RAD51B: variants seen among roughly 807,000 people sequenced by gnomAD.
RAD51B encodes the protein DNA repair protein RAD51 homolog 2.
RAD51B carries 38 observed loss-of-function variants against 42.2 expected under a neutral mutation model. That is an observed-to-expected ratio of 0.90 (90% CI 0.70 to 1.18). RAD51B has a LOEUF of 1.18. Ranked by LOEUF, RAD51B falls within the 50% of genes most tolerant of loss-of-function variation. The pLI, the probability that RAD51B is intolerant of heterozygous loss-of-function variation, is 0.00. For missense variants in RAD51B, 373 were observed against 400.7 expected, an observed-to-expected ratio of 0.93 and a Z score of 0.59; for synonymous variants, 154 against 145.2, an observed-to-expected ratio of 1.06 and a Z score of -0.43.
intron 8 of RAD51B, among the ~76,000 whole-genome samples, chr14:68,382,967 T>G (rs1364947541): frequency 6.6e-6 from 1 of 152,216 alleles, no homozygotes; most frequent in Non-Finnish European, 1.5e-5. Context: ...ACACATGGCC[T>G]TATTTATGTT....
chr14:68,101,174 TC>T (rs1375651791), intron 7 of RAD51B, among the ~76,000 whole-genome samples: 1 of 152,094 alleles, frequency 6.6e-6, no homozygotes, highest in Non-Finnish European at 1.5e-5. Flanking sequence ...CAGGTCCCTC[TC>T]ATGACACATG....
At chr14:68,609,912 C>T (rs1181571089) in intron 10 of RAD51B, among the ~76,000 whole-genome samples, 1 of 151,896 alleles carries the variant, frequency 6.6e-6, no homozygotes, top group Non-Finnish European at 1.5e-5. Context: ...TCCTGCCAGG[C>T]TTCCATTTTC....
intron 7 of RAD51B, among the ~76,000 whole-genome samples, chr14:67,940,400 A>T (rs1438928341): frequency 6.6e-6 from 1 of 152,046 alleles, no homozygotes; most frequent in Non-Finnish European, 1.5e-5. Context: ...ATTTCTTAAA[A>T]GCTTTTGCTT....
intron 9 of RAD51B, among the ~76,000 whole-genome samples, chr14:68,426,382 G>A (rs1400143954): frequency 6.6e-6 from 1 of 152,106 alleles, no homozygotes; most frequent in African/African-American, 2.4e-5. Flanking sequence ...GGTCAGTAAA[G>A]GCCATTCTGA....
chr14:68,533,385 T>C lies in RAD51B; in HGVS notation c.1037-61100T>C, dbSNP rs1179050220. On this transcript the variant is annotated intron_variant, in intron 10 of 10. Transcript: ENST00000487270. Reference sequence around the variant, plus strand: ...TTGTTTGCTGTTGAGAATAATCCAGTAGAGTGAAAGAAGTTGATTGTGCAG... The same window carrying C: ...TTGTTTGCTGTTGAGAATAATCCAGCAGAGTGAAAGAAGTTGATTGTGCAG... 3.9e-5 allele frequency among the ~76,000 whole-genome samples: 6 copies of C among 152,252 alleles called. No homozygotes were observed. The South Asian group carries it at 8.3e-4, about 21-fold the overall frequency.
chr14:68,114,757 CA>C (rs1276091303), intron 7 of RAD51B, among the ~76,000 whole-genome samples: 1 of 152,048 alleles, frequency 6.6e-6, no homozygotes, highest in Non-Finnish European at 1.5e-5. Flanking sequence ...TAATTAATTT[CA>C]TATTATTTGT....
chr14:68,040,474 G>A (rs2076201474), intron 7 of RAD51B, among the ~76,000 whole-genome samples: 1 of 152,094 alleles, frequency 6.6e-6, no homozygotes, highest in Non-Finnish European at 1.5e-5. Context: ...GTTTTTTCTA[G>A]TATCTATTAA....
intron 4 of RAD51B, among the ~76,000 whole-genome samples, chr14:67,843,670 G>GT (rs1410698409): frequency 6.6e-6 from 1 of 151,210 alleles, no homozygotes; most frequent in East Asian, 1.9e-4. Flanking sequence ...TTCTCTGAGG[G>GT]TTTTTTGTAT....
chr14:68,192,821 T>C (rs1407467104), intron 7 of RAD51B, among the ~76,000 whole-genome samples: 1 of 152,214 alleles, frequency 6.6e-6, no homozygotes, highest in Non-Finnish European at 1.5e-5. Context: ...AATATTGGCA[T>C]ATCCAGGAGT....
intron 7 of RAD51B, among the ~76,000 whole-genome samples, chr14:68,264,597 A>C (rs2080952574): frequency 6.6e-6 from 1 of 152,204 alleles, no homozygotes; most frequent in South Asian, 2.1e-4. Context: ...AGAGGCTAGG[A>C]AAGGTAGTAA....
intron 8 of RAD51B, among the ~76,000 whole-genome samples, chr14:68,354,119 C>T (rs1441208347): frequency 6.6e-6 from 1 of 151,680 alleles, no homozygotes; most frequent in Non-Finnish European, 1.5e-5. Context: ...GAGCTATAGT[C>T]ATATGGTCAC....
intron 7 of RAD51B, among the ~76,000 whole-genome samples, chr14:68,280,308 A>G (rs2081297119): frequency 6.6e-6 from 1 of 152,222 alleles, no homozygotes; most frequent in Admixed American, 6.5e-5. Context: ...GGTTAATCTG[A>G]TATCAGTGAA....
At chr14:67,926,388 C>T (rs2044507163) in intron 7 of RAD51B, among the ~76,000 whole-genome samples, 1 of 152,046 alleles carries the variant, frequency 6.6e-6, no homozygotes, top group Admixed American at 6.6e-5. Context: ...TAAAACATAG[C>T]AAGAGTCACC....
intron 8 of RAD51B, among the ~76,000 whole-genome samples, chr14:68,350,723 G>C (rs1227359742): frequency 6.6e-6 from 1 of 152,220 alleles, no homozygotes. Flanking sequence ...GGAGATGGTG[G>C]TTGCCCCAGG....
At chr14:68,579,885 A>G (rs994926111) in intron 10 of RAD51B, among the ~76,000 whole-genome samples, 1 of 152,238 alleles carries the variant, frequency 6.6e-6, no homozygotes, top group Non-Finnish European at 1.5e-5. Flanking sequence ...GCAGAGACTC[A>G]GTGTGGCAGA....
intron 8 of RAD51B, among the ~76,000 whole-genome samples, chr14:68,357,827 G>A (rs2082940192): frequency 6.6e-6 from 1 of 152,122 alleles, no homozygotes; most frequent in Non-Finnish European, 1.5e-5. Context: ...TCCATTCCTT[G>A]TTGTTCCATT....
chr14:68,293,262 T>G, intron 8 of RAD51B, among the ~76,000 whole-genome samples: 1 of 152,276 alleles, frequency 6.6e-6, no homozygotes, highest in East Asian at 1.9e-4. Flanking sequence ...TGTTTTTGTT[T>G]TTGTTTTTTC....
At chr14:67,820,384 G>C (rs572049633) in intron 1 of RAD51B, among the ~76,000 whole-genome samples, 5 of 152,134 alleles carry the variant, frequency 3.3e-5, no homozygotes, top group African/African-American at 9.6e-5. Context: ...CGTAATAAGG[G>C]CTCAATAAAT....
chr14:68,547,877 C>T (rs975218048), intron 10 of RAD51B, among the ~76,000 whole-genome samples: 3 of 152,192 alleles, frequency 2.0e-5, no homozygotes, highest in Non-Finnish European at 4.4e-5. Flanking sequence ...AGTCACTGGT[C>T]TGTGTAGGTT....
Sources: gnomAD v4.1 joint callset for allele counts (sites outside exome capture counted in the v4.1 genomes callset) on GRCh38, gnomAD v4.1.1 for gene constraint, MANE v1.5 for transcripts, NCBI Gene and HGNC (gene_info 2026-07-23, HGNC 2026-07-21) for gene names.